Variants in PARL observed in about 807,000 individuals in gnomAD.
The protein encoded by PARL is presenilin-associated rhomboid-like protein, mitochondrial.
Under a neutral mutation model 51.6 loss-of-function variants are expected in PARL, and 44 were observed. The ratio of observed to expected loss-of-function variants is 0.85; its 90% confidence interval spans 0.67 to 1.10. PARL has a LOEUF of 1.10. Among genes scored for constraint, PARL ranks in the 50% least tolerant of loss-of-function variants. The probability of loss-of-function intolerance (pLI) is 0.00; values close to 1 mark genes in which losing one functional copy is unlikely to be tolerated. For synonymous variants in PARL, 172 were observed against 164.0 expected (o/e 1.05, Z -0.37); for missense variants, 441 against 469.5 (o/e 0.94, Z 0.56).
chr3:183,884,463 C>T (rs12054027), intron 1 of PARL, among the ~76,000 whole-genome samples: 62,961 of 152,082 alleles, frequency 0.41, 13,688 homozygotes, highest in Middle Eastern at 0.55. Context: ...ACGCAATGAA[C>T]CCTCAGCTTA....
At position 183,844,253 on chromosome 3, in the gene PARL, A is replaced by G; in HGVS notation, c.585T>C (p.Tyr195=). The G allele has an allele frequency of 6.2e-7, 1 of 1,605,840 alleles. No homozygotes were observed. The highest frequency in any genetic ancestry group is 8.5e-7 in the Non-Finnish European group (1 of 1,173,360). ...VPSLQRTMIR[Y]FTSNPASKVL... is the part of the protein sequence containing the mutation. ...TACTTGAGGCTGGATTCGATGTGAAATATCTGATCATTGTCCGCTGCAGAG... is the reference window on the plus strand; with the variant it reads ...TACTTGAGGCTGGATTCGATGTGAAGTATCTGATCATTGTCCGCTGCAGAG... The change falls in exon 5 of 10, where the codon TAT becomes TAC. Residue 195 remains tyrosine (Y), a synonymous_variant. Coordinates refer to ENST00000317096, the MANE Select transcript of PARL (RefSeq NM_018622.7).
intron 3 of PARL, among the ~76,000 whole-genome samples, chr3:183,865,394 C>A (rs1468165863): frequency 6.6e-6 from 1 of 152,160 alleles, no homozygotes; most frequent in Non-Finnish European, 1.5e-5. Flanking sequence ...TACTCTAAAG[C>A]CAGGGTCCCC....
intron 1 of PARL, 48 bp downstream of exon 1, chr3:183,884,674 G>C: frequency 6.4e-7 from 1 of 1,562,518 alleles, no homozygotes; most frequent in Non-Finnish European, 8.7e-7. Flanking sequence ...TACACGGCCA[G>C]AGCTCAGGGA....
chr3:183,870,759 C>A (rs1234571152), intron 1 of PARL, among the ~76,000 whole-genome samples: 4 of 152,178 alleles, frequency 2.6e-5, no homozygotes, highest in African/African-American at 4.8e-5. Context: ...CACTTCCTCC[C>A]TCTGCCACCT....
Position 183,829,545 on chromosome 3 carries a change from T to TG in PARL, c.*52dup. The TG allele has an allele frequency of 6.2e-7, 1 of 1,614,120 alleles. No homozygotes were observed. Among genetic ancestry groups the TG allele is most frequent in the African/African-American group, 1.3e-5 (1 of 75,058 alleles). ...CATGGTCACTCTAGCCGATGTCTCC[T>TG]GGGGCTCTCAGGCGGCAAGGACCAG... On this transcript the variant is annotated 3_prime_UTR_variant, in exon 10 of 10. Transcript: ENST00000317096.
chr3:183,862,720 T>G (rs1399172697), intron 4 of PARL, 33 bp downstream of exon 4: 1 of 1,582,666 alleles, frequency 6.3e-7, no homozygotes, highest in Non-Finnish European at 8.7e-7. Flanking sequence ...TTCTCTTCCC[T>G]TGAATGGTTA....
downstream of PARL, chr3:183,826,542 G>C (rs932449438): frequency 3.2e-6 from 3 of 923,504 alleles, no homozygotes; most frequent in African/African-American, 5.4e-5. Context: ...TCCAGTCTGC[G>C]CCTGGGAGGG....
intron 1 of PARL, among the ~76,000 whole-genome samples, chr3:183,882,448 A>C (rs1481074751): frequency 1.3e-5 from 2 of 150,604 alleles, no homozygotes; most frequent in East Asian, 2.0e-4. Context: ...GAGAGAGACT[A>C]TCATCTCAAT....
At chr3:183,834,984 G>A (rs1052815649) in intron 7 of PARL, among the ~76,000 whole-genome samples, 4 of 151,376 alleles carry the variant, frequency 2.6e-5, no homozygotes, top group East Asian at 3.9e-4. Flanking sequence ...GCTTGAACCC[G>A]GGAGGCAGAG....
rs112526564 is a variant in PARL, at chr3:183,871,898, C to T, written c.126-3838G>A. Among the ~76,000 whole-genome samples, 21 of 152,128 alleles carry T rather than the reference C, an allele frequency of 1.4e-4. 1 individual carries two copies. The highest frequency in any genetic ancestry group is 4.8e-4 in the African/African-American group (20 of 41,476). Reference sequence around the variant, plus strand: ...TCTCAATAAAGTATTTAAAAGAATGCTCATAGGACATCCAGGTGGAGGTAT... The same window carrying T: ...TCTCAATAAAGTATTTAAAAGAATGTTCATAGGACATCCAGGTGGAGGTAT... On this transcript the variant is annotated intron_variant, in intron 1 of 9. Coordinates refer to ENST00000317096, the MANE Select transcript of PARL (RefSeq NM_018622.7).
At chr3:183,876,451 G>C (rs1171410535) in intron 1 of PARL, among the ~76,000 whole-genome samples, 2 of 152,004 alleles carry the variant, frequency 1.3e-5, no homozygotes, top group Non-Finnish European at 2.9e-5. Context: ...TCACCCAAGA[G>C]CTCAGATGCA....
At chr3:183,832,251 C>G (rs912325003) in intron 9 of PARL, among the ~76,000 whole-genome samples, 1 of 150,826 alleles carries the variant, frequency 6.6e-6, no homozygotes, top group Admixed American at 6.6e-5. Flanking sequence ...CAGAGTCTCA[C>G]TTTGTCGCCC....
At chr3:183,874,254 A>T (rs1336383588) in intron 1 of PARL, among the ~76,000 whole-genome samples, 1 of 151,958 alleles carries the variant, frequency 6.6e-6, no homozygotes, top group East Asian at 1.9e-4. Context: ...TGCTCTACCA[A>T]CCAGCCATTG....
At chr3:183,853,875 C>T (rs13317769) in intron 4 of PARL, among the ~76,000 whole-genome samples, 113,982 of 152,136 alleles carry the variant, frequency 0.75, 42,969 homozygotes, top group East Asian at 0.96. Context: ...TGGAAAACAG[C>T]GTGAGAATTC....
chr3:183,878,293 C>T (rs1390490323), intron 1 of PARL, among the ~76,000 whole-genome samples: 3 of 152,130 alleles, frequency 2.0e-5, no homozygotes, highest in Admixed American at 1.3e-4. Flanking sequence ...CTTCTGAGGC[C>T]GACTCTGGAC....
At chr3:183,843,173 T>C (rs1353827819) in intron 5 of PARL, 3 of 982,220 alleles carry the variant, frequency 3.1e-6, no homozygotes, top group Non-Finnish European at 3.6e-6. Context: ...TGTGAGTCAC[T>C]ATGCCCAGCT....
chr3:183,831,859 C>T (rs1727978361), intron 9 of PARL, among the ~76,000 whole-genome samples: 1 of 152,074 alleles, frequency 6.6e-6, no homozygotes. Flanking sequence ...AAATTAGAAA[C>T]AGTAAAGAGA....
At chr3:183,882,400 T>C (rs1044036088) in intron 1 of PARL, among the ~76,000 whole-genome samples, 1 of 141,682 alleles carries the variant, frequency 7.1e-6, no homozygotes, top group Non-Finnish European at 1.5e-5. Context: ...TATGCACATA[T>C]ACACACACAT....
At chr3:183,844,496 A>T in intron 4 of PARL, 170 bp from the exon 5 acceptor site, 1 of 603,060 alleles carries the variant, frequency 1.7e-6, no homozygotes, top group Non-Finnish European at 3.0e-6. Context: ...TTAAAGTATC[A>T]GCACTGCCTA....
Sources: gnomAD v4.1 joint callset for allele counts (sites outside exome capture counted in the v4.1 genomes callset) on GRCh38, gnomAD v4.1.1 for gene constraint, MANE v1.5 for transcripts, NCBI Gene and HGNC (gene_info 2026-07-23, HGNC 2026-07-21) for gene names.